The following CAPZB variants were observed in gnomAD, a reference collection of about 807,000 sequenced individuals.
The protein encoded by CAPZB is capping actin protein of muscle Z-line subunit beta, also known as F-actin-capping protein subunit beta.
A neutral mutation model predicts 38.1 loss-of-function variants in CAPZB; 2 were observed. That is an observed-to-expected ratio of 0.05 (90% confidence interval 0.02 to 0.17). The LOEUF (loss-of-function observed/expected upper bound fraction) is 0.17, where lower values mean the gene tolerates loss of function less well. Among genes scored for constraint, CAPZB ranks in the 10% least tolerant of loss-of-function variants. The pLI is 1.00. For missense variants in CAPZB, 161 were observed against 334.2 expected, an observed-to-expected ratio of 0.48 and a Z score of 4.04; for synonymous variants, 107 against 127.4, an observed-to-expected ratio of 0.84 and a Z score of 1.08.
At chr1:19,410,864 T>C (rs918297134) in intron 2 of CAPZB, among the ~76,000 whole-genome samples, 4 of 152,206 alleles carry the variant, frequency 2.6e-5, no homozygotes, top group African/African-American at 9.7e-5. Context: ...TTGACACCTC[T>C]TCCCCGCAAC....
chr1:19,425,899 C>T (rs1452129930), intron 1 of CAPZB, among the ~76,000 whole-genome samples: 2 of 152,154 alleles, frequency 1.3e-5, no homozygotes, highest in Non-Finnish European at 2.9e-5. Context: ...GTAAACACAC[C>T]ATCTACAACA....
intron 2 of CAPZB, among the ~76,000 whole-genome samples, chr1:19,391,734 G>T (rs915203653): frequency 6.6e-6 from 1 of 152,124 alleles, no homozygotes; most frequent in Non-Finnish European, 1.5e-5. Flanking sequence ...GGAACTGGGG[G>T]TTACAACATC....
intron 1 of CAPZB, among the ~76,000 whole-genome samples, chr1:19,449,994 T>G (rs1019014028): frequency 1.3e-5 from 2 of 151,020 alleles, no homozygotes; most frequent in African/African-American, 4.9e-5. Context: ...ATTAAAAAAT[T>G]AGCCAGGCAT....
intron 6 of CAPZB, among the ~76,000 whole-genome samples, chr1:19,347,672 A>G (rs2093969326): frequency 6.6e-6 from 1 of 152,214 alleles, no homozygotes; most frequent in Admixed American, 6.5e-5. Context: ...CCAGCTTCCT[A>G]TCGACAGTGT....
chr1:19,344,872 C>G (rs936176605), intron 7 of CAPZB, among the ~76,000 whole-genome samples: 1 of 152,238 alleles, frequency 6.6e-6, no homozygotes, highest in Non-Finnish European at 1.5e-5. Context: ...CTTCCTCTCC[C>G]AGCGCAGGGC....
chr1:19,341,785 C>T (rs2093930606), intron 8 of CAPZB, among the ~76,000 whole-genome samples: 2 of 152,228 alleles, frequency 1.3e-5, no homozygotes, highest in Non-Finnish European at 2.9e-5. Context: ...TAAGTTGGCA[C>T]ACACAGACCA....
In CAPZB at chr1:19,360,007, G is replaced by A. The variant is rs562203551; in HGVS notation, c.330-2444C>T. 6.1e-4 allele frequency among the ~76,000 whole-genome samples: 93 copies of A among 152,280 alleles called. 1 individual carries two copies. In the South Asian group the frequency reaches 0.017, roughly 28 times the overall value. Reference sequence around the variant, plus strand: ...CCATAGAGCCCTCCTGGTCTGGACCGGGCCCACACAGAGTTGGAGAGATCA... The same window carrying A: ...CCATAGAGCCCTCCTGGTCTGGACCAGGCCCACACAGAGTTGGAGAGATCA... On this transcript the variant is annotated intron_variant, in intron 4 of 8. Coordinates refer to ENST00000264202, the MANE Select transcript of CAPZB (RefSeq NM_004930.5).
At chr1:19,426,365 A>C (rs1213142827) in intron 1 of CAPZB, among the ~76,000 whole-genome samples, 1 of 152,080 alleles carries the variant, frequency 6.6e-6, no homozygotes, top group Non-Finnish European at 1.5e-5. Context: ...ATTTTCCAAA[A>C]ATGACCATAA....
chr1:19,478,402 G>GTCCTC (rs2094614602), intron 1 of CAPZB, among the ~76,000 whole-genome samples: 1 of 152,146 alleles, frequency 6.6e-6, no homozygotes, highest in African/African-American at 2.4e-5. Context: ...CATAAACTCA[G>GTCCTC]TCCTCACAAT....
intron 1 of CAPZB, among the ~76,000 whole-genome samples, chr1:19,458,249 G>A (rs2094539454): frequency 6.6e-6 from 1 of 151,962 alleles, no homozygotes. Context: ...CTTTCACATG[G>A]GTCAACATAA....
At chr1:19,411,625 G>A (rs1261229495) in intron 2 of CAPZB, among the ~76,000 whole-genome samples, 2 of 152,078 alleles carry the variant, frequency 1.3e-5, no homozygotes, top group South Asian at 2.1e-4. Context: ...TCATTCCACC[G>A]TAATTGTCTG....
At chr1:19,471,958 A>G (rs2094590109) in intron 1 of CAPZB, among the ~76,000 whole-genome samples, 1 of 151,886 alleles carries the variant, frequency 6.6e-6, no homozygotes, top group Non-Finnish European at 1.5e-5. Flanking sequence ...GTATGTAACC[A>G]AGATAAAAGT....
rs191056345 is a variant in CAPZB at position 19,416,494 on chromosome 1, A to T, written c.93+3167T>A. Among the ~76,000 whole-genome samples, 37 of 152,298 alleles carry T rather than the reference A, an allele frequency of 2.4e-4. No homozygotes were observed. The East Asian group carries it at 7.1e-3, about 29-fold the overall frequency. Reference sequence around the variant, plus strand: ...CTTTGAAGAAACAATAAACAACACAAACAGAAGTCCCCAGCTTAGTCCTGG... The same window carrying T: ...CTTTGAAGAAACAATAAACAACACATACAGAAGTCCCCAGCTTAGTCCTGG... On this transcript the variant is annotated intron_variant, in intron 2 of 8. Coordinates refer to ENST00000264202, the MANE Select transcript of CAPZB (RefSeq NM_004930.5).
intron 2 of CAPZB, among the ~76,000 whole-genome samples, chr1:19,413,393 G>C (rs996256149): frequency 6.6e-6 from 1 of 152,188 alleles, no homozygotes; most frequent in Admixed American, 6.5e-5. Flanking sequence ...GAGTGTAGTG[G>C]GGTGATCATA....
intron 2 of CAPZB, among the ~76,000 whole-genome samples, chr1:19,408,902 T>C (rs187058828): frequency 1.6e-4 from 24 of 152,366 alleles, no homozygotes; most frequent in African/African-American, 5.5e-4. Context: ...GGAAGTTTCC[T>C]GAAGCAGTTC....
chr1:19,359,360 G>C (rs2094040429), intron 4 of CAPZB, among the ~76,000 whole-genome samples: 1 of 152,112 alleles, frequency 6.6e-6, no homozygotes, highest in African/African-American at 2.4e-5. Context: ...CCTCCCAGGA[G>C]AATGAGGGTG....
At chr1:19,362,173 T>C in intron 4 of CAPZB, among the ~76,000 whole-genome samples, 1 of 147,250 alleles carries the variant, frequency 6.8e-6, no homozygotes, top group East Asian at 2.0e-4. Flanking sequence ...GTCAAGGAGG[T>C]AGAAGGGGGA....
chr1:19,365,020 A>AT (rs1363686780), intron 4 of CAPZB, among the ~76,000 whole-genome samples: 4 of 151,528 alleles, frequency 2.6e-5, no homozygotes, highest in African/African-American at 4.9e-5. Flanking sequence ...GTAATTTTAA[A>AT]TTTTTTTGTA....
chr1:19,485,487 C>T lies in CAPZB; in HGVS notation c.-49G>A. 1 of 1,228,522 alleles carries T rather than the reference C, an allele frequency of 8.1e-7. No individual in the cohort carries two copies. The highest frequency in any genetic ancestry group is 4.1e-5 in the South Asian group (1 of 24,306). The allele number at this position is 1,228,522 out of a possible 1,614,324, so 76.1% of individuals were successfully genotyped here. On this transcript the variant is annotated 5_prime_UTR_variant, in exon 1 of 9. Transcript: ENST00000264202. ...CGGTCCCGGCGTCAGTGGCTCTCCC[C>T]CCCGCAGCAGGGCCCGGCGCTTCCA...
Sources: allele counts gnomAD v4.1 joint callset (sites outside exome capture counted in the v4.1 genomes callset), GRCh38; gene constraint gnomAD v4.1.1; transcripts MANE v1.5; gene names NCBI Gene and HGNC (gene_info 2026-07-23, HGNC 2026-07-21).